The following MEF2A variants were observed in gnomAD, a reference collection of about 807,000 sequenced individuals.
The protein encoded by MEF2A is myocyte-specific enhancer factor 2A.
A neutral mutation model predicts 55.8 loss-of-function variants in MEF2A; 28 were observed. That is an observed-to-expected ratio of 0.50 (90% CI 0.37 to 0.69). The LOEUF is 0.69. Among genes scored for constraint, MEF2A ranks in the 30% least tolerant of loss-of-function variants. MEF2A has a pLI of 0.00. For synonymous variants in MEF2A, 239 were observed against 227.1 expected, an observed-to-expected ratio of 1.05 and a Z score of -0.47; for missense variants, 528 against 626.2, an observed-to-expected ratio of 0.84 and a Z score of 1.67.
At chr15:99,657,834 A>G (rs1325179596) in intron 4 of MEF2A, among the ~76,000 whole-genome samples, 1 of 152,170 alleles carries the variant, frequency 6.6e-6, no homozygotes, top group African/African-American at 2.4e-5. Flanking sequence ...AGAGAACACG[A>G]AAAGAAAAAT....
intron 1 of MEF2A, among the ~76,000 whole-genome samples, chr15:99,594,534 A>G (rs1970506786): frequency 6.8e-6 from 1 of 147,898 alleles, no homozygotes; most frequent in African/African-American, 2.6e-5. Flanking sequence ...ACCGTTGGTA[A>G]TCAACTCAAC....
At position 99,649,032 on chromosome 15, in the gene MEF2A, C is replaced by T. The variant is rs74033751; in HGVS notation, c.258+3268C>T. On this transcript the variant is annotated intron_variant, in intron 4 of 11. Transcript: ENST00000557942. ...AAACTTAAATCCATCTATCTTTGTTCTGCCTCATTTTATATTAATTATGTT... is the reference window on the plus strand; with the variant it reads ...AAACTTAAATCCATCTATCTTTGTTTTGCCTCATTTTATATTAATTATGTT... 8.2e-3 allele frequency among the ~76,000 whole-genome samples: 1,250 copies of T among 151,946 alleles called. 21 individuals are homozygous for T. The highest frequency in any genetic ancestry group is 0.027 in the African/African-American group (1,137 of 41,428).
At chr15:99,603,035 A>G (rs8030451) in intron 2 of MEF2A, among the ~76,000 whole-genome samples, 9,255 of 152,154 alleles carry the variant, frequency 0.061, 354 homozygotes, top group East Asian at 0.17. Flanking sequence ...AAGAATCTGT[A>G]GTGATATTCC....
chr15:99,577,235 A>G (rs1347843874), intron 1 of MEF2A, among the ~76,000 whole-genome samples: 2 of 152,242 alleles, frequency 1.3e-5, no homozygotes, highest in Non-Finnish European at 2.9e-5. Flanking sequence ...CTTCTGATCC[A>G]GGAGTTATTG....
chr15:99,710,393 C>T (rs981475736), intron 10 of MEF2A, among the ~76,000 whole-genome samples: 2 of 152,178 alleles, frequency 1.3e-5, no homozygotes, highest in African/African-American at 2.4e-5. Context: ...CAGGCATGCG[C>T]CACCACGCCT....
intron 3 of MEF2A, among the ~76,000 whole-genome samples, chr15:99,638,871 G>C (rs139393198): frequency 5.9e-5 from 9 of 152,240 alleles, no homozygotes; most frequent in African/African-American, 2.2e-4. Context: ...GTATGTGAAA[G>C]AGATTATAGA....
rs569930119 is a variant in MEF2A, at chr15:99,697,341, A to G, written c.859-6021A>G. The stretch of plus-strand genomic sequence containing the variant: ...TAGATTCTTTCATGTAGAAAAGTGT[A>G]AAGAAATTACAAAAAAAACTCCTCG... On this transcript the variant is annotated intron_variant, in intron 8 of 11. Transcript: ENST00000557942. 1.2e-4 allele frequency among the ~76,000 whole-genome samples: 18 copies of G among 152,248 alleles called. No homozygotes were observed. In the South Asian group the frequency reaches 3.7e-3, roughly 32 times the overall value.
chr15:99,673,858 C>CT (rs11321800), intron 5 of MEF2A, among the ~76,000 whole-genome samples: 108 of 149,626 alleles, frequency 7.2e-4, no homozygotes, highest in African/African-American at 2.5e-3. Context: ...TATATAATTA[C>CT]TTTTTTTTTT....
chr15:99,602,028 A>G (rs955674549), intron 2 of MEF2A, among the ~76,000 whole-genome samples: 4 of 152,150 alleles, frequency 2.6e-5, no homozygotes, highest in Non-Finnish European at 1.5e-5. Flanking sequence ...GTGAATCTGC[A>G]TGGGTCTACG....
Position 99,715,186 on chromosome 15 carries a change from T to TAAACCATTTATAGCTTTGA in MEF2A, c.*2418_*2436dup, listed in dbSNP as rs2059037032. Reference sequence around the variant, plus strand: ...TTCCAAAATAATCCTTACCACTTTGTAAACCATTTATAGCTTTGAAAGTGT... The same window carrying TAAACCATTTATAGCTTTGA: ...TTCCAAAATAATCCTTACCACTTTGTAAACCATTTATAGCTTTGAAAACCATTTATAGCTTTGAAAGTGT... On this transcript the variant is annotated 3_prime_UTR_variant, in exon 12 of 12. Transcript: ENST00000557942. 2.6e-5 allele frequency: 4 copies of TAAACCATTTATAGCTTTGA among 152,260 alleles called. No homozygotes were observed. The highest frequency in any genetic ancestry group is 2.6e-4 in the Admixed American group (4 of 15,286). The allele number at this position is 152,260 out of a possible 1,614,324, so 9.4% of individuals were successfully genotyped here.
chr15:99,712,542 C>G lies in MEF2A; in HGVS notation c.1289C>G (p.Pro430Arg), dbSNP rs369815961. 1.3e-6 allele frequency: 2 copies of G among 1,547,482 alleles called. No homozygotes were observed. Among genetic ancestry groups the G allele is most frequent in the East Asian group, 4.9e-5 (2 of 40,844 alleles). ...QQQQQQQQQP[P>R]PPPQPQPQPP... The stretch of plus-strand genomic sequence containing the variant: ...CAGCAGCAGCAGCAGCAGCAGCCGC[C>G]GCCACCACCGCAGCCCCAGCCACAA... The change falls in exon 12 of 12, where the codon CCG becomes CGG. Residue 430 changes from proline (P) to arginine (R), a missense_variant. Transcript: ENST00000557942. The surrounding 1 kb of genome is among the most constrained non-coding windows in gnomAD (Gnocchi z 4.1).
intron 10 of MEF2A, among the ~76,000 whole-genome samples, chr15:99,709,322 G>A (rs2058366776): frequency 6.6e-6 from 1 of 152,248 alleles, no homozygotes; most frequent in Non-Finnish European, 1.5e-5. Flanking sequence ...TGTACTAAGA[G>A]TACTTAAGGA....
At chr15:99,651,895 C>G (rs548297239) in intron 4 of MEF2A, among the ~76,000 whole-genome samples, 5 of 152,226 alleles carry the variant, frequency 3.3e-5, no homozygotes, top group Admixed American at 3.3e-4. Context: ...TGATAGATAT[C>G]ACTTGTATAT....
intron 2 of MEF2A, among the ~76,000 whole-genome samples, chr15:99,630,435 G>A (rs1043577347): frequency 2.0e-5 from 3 of 151,832 alleles, no homozygotes. Flanking sequence ...TCCACTTTTT[G>A]TTTATGAAAA....
chr15:99,714,868 G>GTCA lies in MEF2A; in HGVS notation c.*2101_*2103dup, dbSNP rs2059010994. The GTCA allele has an allele frequency of 8.1e-6, 1 of 123,122 alleles. No homozygotes were observed. Among genetic ancestry groups the GTCA allele is most frequent in the South Asian group, 2.5e-4 (1 of 3,948 alleles). 7.6% of individuals were successfully genotyped at this position (123,122 alleles called of 1,614,324 possible). A position where few individuals can be genotyped will look rare whatever the true frequency, so the allele number is the denominator to read the frequency against. ...TTTCCTCATCTGCTGTTTGTGACAA[G>GTCA]TCATCAGCCAGATTTCCTGACTGAC... On this transcript the variant is annotated 3_prime_UTR_variant, in exon 12 of 12. Coordinates refer to ENST00000557942, the MANE Select transcript of MEF2A (RefSeq NM_001319206.4).
chr15:99,649,994 A>G (rs2153507203), intron 4 of MEF2A, among the ~76,000 whole-genome samples: 1 of 152,252 alleles, frequency 6.6e-6, no homozygotes, highest in African/African-American at 2.4e-5. Context: ...GGCAATTCAG[A>G]TTATTGTGCT....
intron 3 of MEF2A, among the ~76,000 whole-genome samples, chr15:99,640,437 A>G (rs553975240): frequency 2.0e-5 from 3 of 151,904 alleles, no homozygotes; most frequent in Admixed American, 1.3e-4. Context: ...TCTTAAATCT[A>G]CCTTACCTCA....
At chr15:99,665,772 TG>T (rs1013922405) in intron 4 of MEF2A, among the ~76,000 whole-genome samples, 2 of 109,492 alleles carry the variant, frequency 1.8e-5, no homozygotes, top group African/African-American at 3.5e-5. Context: ...AAAAAGTGGG[TG>T]AAGGATATGA....
At chr15:99,573,837 T>C (rs758818825) in intron 1 of MEF2A, among the ~76,000 whole-genome samples, 4 of 152,244 alleles carry the variant, frequency 2.6e-5, no homozygotes, top group Non-Finnish European at 4.4e-5. Flanking sequence ...AATAGGCTTT[T>C]GGAACATATC....
Sources: allele counts gnomAD v4.1 joint callset (sites outside exome capture counted in the v4.1 genomes callset), GRCh38; gene constraint gnomAD v4.1.1; non-coding constraint Gnocchi (gnomAD v3.1); transcripts MANE v1.5; gene names NCBI Gene and HGNC (gene_info 2026-07-23, HGNC 2026-07-21).